Variants in PTPN3 observed in about 807,000 individuals in gnomAD.
PTPN3 encodes the protein tyrosine-protein phosphatase non-receptor type 3.
In PTPN3, 96 loss-of-function variants were observed where a neutral mutation model predicts 132.7. The observed-to-expected ratio is 0.72, with a 90% CI of 0.61 to 0.86. PTPN3 has a LOEUF of 0.86. Ranked by LOEUF, PTPN3 falls within the 40% of genes least tolerant of loss-of-function variation. The pLI is 0.00. For synonymous variants in PTPN3, 398 were observed against 429.0 expected (o/e 0.93, Z 0.89); for missense variants, 1,125 against 1,159.6 (o/e 0.97, Z 0.43).
At chr9:109,534,777 G>T in the PTPN3 span, among the ~76,000 whole-genome samples, 1 of 151,848 alleles carries the variant, frequency 6.6e-6, no homozygotes, top group Admixed American at 6.6e-5. Flanking sequence ...ACTCCAGCCC[G>T]GAAGACAAGA....
At chr9:109,435,620 C>T (rs1047241789) in intron 9 of PTPN3, among the ~76,000 whole-genome samples, 12 of 152,196 alleles carry the variant, frequency 7.9e-5, no homozygotes, top group Non-Finnish European at 5.9e-5. Flanking sequence ...GACCAACCCC[C>T]TCTGATACTG....
the PTPN3 span, among the ~76,000 whole-genome samples, chr9:109,521,479 A>G: frequency 6.6e-6 from 1 of 152,116 alleles, no homozygotes; most frequent in Non-Finnish European, 1.5e-5. Context: ...GAACTATTGC[A>G]TCCCAGTTTC....
At chr9:109,497,127 G>A (rs1316116635) in intron 1 of PTPN3, among the ~76,000 whole-genome samples, 1 of 152,050 alleles carries the variant, frequency 6.6e-6, no homozygotes, top group East Asian at 1.9e-4. Flanking sequence ...TTGTTTTTCC[G>A]AAGGCCTTGA....
At chr9:109,511,698 T>C in the PTPN3 span, among the ~76,000 whole-genome samples, 1 of 152,162 alleles carries the variant, frequency 6.6e-6, no homozygotes, top group Non-Finnish European at 1.5e-5. Flanking sequence ...ACACATTGCA[T>C]CATGAGGACG....
chr9:109,467,623 A>G (rs1023133139), intron 1 of PTPN3, among the ~76,000 whole-genome samples: 3 of 152,218 alleles, frequency 2.0e-5, no homozygotes, highest in Admixed American at 2.0e-4. Context: ...AGATAGTCAC[A>G]CAATGACCCC....
intron 5 of PTPN3, among the ~76,000 whole-genome samples, chr9:109,452,266 C>CAAAA (rs1158259516): frequency 0.038 from 2,740 of 71,500 alleles, 112 homozygotes; most frequent in East Asian, 0.27. Context: ...AGCTCCGTCT[C>CAAAA]AAAAAAAAAA....
chr9:109,525,894 T>C, the PTPN3 span, among the ~76,000 whole-genome samples: 28 of 152,354 alleles, frequency 1.8e-4, no homozygotes, highest in African/African-American at 5.5e-4. Flanking sequence ...TTATACTTCA[T>C]TGGGCTTTAA....
chr9:109,391,018 G>T, intron 21 of PTPN3, 120 bp downstream of exon 21: 1 of 854,202 alleles, frequency 1.2e-6, no homozygotes, highest in Non-Finnish European at 1.9e-6. Flanking sequence ...CTGTTGTGGT[G>T]CTGAAATGCG....
chr9:109,401,455 G>T (rs1841092822), intron 19 of PTPN3, among the ~76,000 whole-genome samples: 1 of 152,198 alleles, frequency 6.6e-6, no homozygotes, highest in African/African-American at 2.4e-5. Flanking sequence ...AGGGGACAGG[G>T]TGGGTATTTA....
chr9:109,454,431 A>G lies in PTPN3; in HGVS notation c.368+65T>C. The G allele has an allele frequency of 3.1e-6, 4 of 1,291,324 alleles. 1 individual carries two copies. The South Asian group carries it at 4.8e-5, about 16-fold the overall frequency. 80.0% of individuals were successfully genotyped at this position (1,291,324 alleles called of 1,614,324 possible). ...ATTTGGCCATAGTAATAAAATGAAG[A>G]GTACATTTTTAGTGGTTACTCATTT... On this transcript the variant is annotated intron_variant, in intron 5 of 25. Coordinates refer to ENST00000374541, the MANE Select transcript of PTPN3 (RefSeq NM_002829.4).
intron 13 of PTPN3, among the ~76,000 whole-genome samples, chr9:109,421,171 G>C (rs1842868637): frequency 6.6e-6 from 1 of 152,166 alleles, no homozygotes; most frequent in African/African-American, 2.4e-5. Context: ...TCCTCCAACA[G>C]TGGCAGTAGG....
At chr9:109,400,500 A>G (rs1841000605) in intron 19 of PTPN3, among the ~76,000 whole-genome samples, 1 of 152,226 alleles carries the variant, frequency 6.6e-6, no homozygotes, top group Admixed American at 6.5e-5. Context: ...GGCTCCGTGT[A>G]GGGAGACAGC....
the PTPN3 span, among the ~76,000 whole-genome samples, chr9:109,507,968 C>A: frequency 6.6e-6 from 1 of 152,260 alleles, no homozygotes; most frequent in East Asian, 1.9e-4. Context: ...AGCACAGGCA[C>A]AAACCTCTTT....
Position 109,402,175 on chromosome 9 carries a change from A to G in PTPN3, c.1953+2273T>C, listed in dbSNP as rs959807096. 2.0e-5 allele frequency among the ~76,000 whole-genome samples: 3 copies of G among 152,162 alleles called. No homozygotes were observed. The South Asian group carries it at 6.2e-4, about 32-fold the overall frequency. ...CCGGTATGCACTGTGACTGGCTCTT[A>G]AGTTCTTCCTTGTTTCGATTTTGGA... On this transcript the variant is annotated intron_variant, in intron 19 of 25. Coordinates refer to ENST00000374541, the MANE Select transcript of PTPN3 (RefSeq NM_002829.4).
At chr9:109,494,305 C>A (rs1847586591) in intron 1 of PTPN3, among the ~76,000 whole-genome samples, 1 of 152,128 alleles carries the variant, frequency 6.6e-6, no homozygotes, top group Admixed American at 6.5e-5. Context: ...ACTTTGTCTC[C>A]ACAAAAAATA....
chr9:109,444,781 C>T (rs545949025), intron 7 of PTPN3, among the ~76,000 whole-genome samples: 2 of 152,162 alleles, frequency 1.3e-5, no homozygotes, highest in East Asian at 1.9e-4. Context: ...TCCTAAGATC[C>T]CAGTAGTGTT....
intron 9 of PTPN3, among the ~76,000 whole-genome samples, chr9:109,434,094 C>T (rs554970797): frequency 6.6e-6 from 1 of 152,262 alleles, no homozygotes; most frequent in South Asian, 2.1e-4. Flanking sequence ...AGTTCCTCCT[C>T]TTGAGTCATT....
the PTPN3 span, among the ~76,000 whole-genome samples, chr9:109,514,582 G>T: frequency 6.6e-6 from 1 of 152,162 alleles, no homozygotes; most frequent in African/African-American, 2.4e-5. Flanking sequence ...GCAAAATAGC[G>T]TCATTGATAT....
At chr9:109,433,911 C>G (rs1843838199) in intron 9 of PTPN3, among the ~76,000 whole-genome samples, 1 of 78,568 alleles carries the variant, frequency 1.3e-5, no homozygotes, top group South Asian at 6.1e-4. Context: ...GAGGGAGACT[C>G]TGTTTAAAAA....
Sources: gnomAD v4.1 joint callset for allele counts (sites outside exome capture counted in the v4.1 genomes callset) on GRCh38, gnomAD v4.1.1 for gene constraint, MANE v1.5 for transcripts, NCBI Gene and HGNC (gene_info 2026-07-23, HGNC 2026-07-21) for gene names.